The following FAT3 variants were observed in gnomAD, a reference collection of about 807,000 sequenced individuals.
FAT3 encodes the protein protocadherin Fat 3.
A neutral mutation model predicts 310.2 loss-of-function variants in FAT3; 95 were observed. That is an observed-to-expected ratio of 0.31 (90% CI 0.26 to 0.36). The LOEUF (loss-of-function observed/expected upper bound fraction) is 0.36, where lower values mean the gene tolerates loss of function less well. Ranked by LOEUF, FAT3 falls within the 10% of genes least tolerant of loss-of-function variation. The probability of loss-of-function intolerance (pLI) is 1.00; values close to 1 mark genes in which losing one functional copy is unlikely to be tolerated. For synonymous variants in FAT3, 2,314 were observed against 2,192.9 expected (o/e 1.06, Z -1.54); for missense variants, 5,408 against 5,715.6 (o/e 0.95, Z 1.74).
chr11:92,710,433 A>G (rs917488627), intron 4 of FAT3, among the ~76,000 whole-genome samples: 5 of 152,326 alleles, frequency 3.3e-5, no homozygotes, highest in Middle Eastern at 3.4e-3. Flanking sequence ...CCAAGGCCTA[A>G]GAACCTCTTC....
chr11:92,761,844 T>C lies in FAT3; in HGVS notation c.3670-12T>C, dbSNP rs1394605438. On this transcript the variant is annotated splice_polypyrimidine_tract_variant and intron_variant, in intron 4 of 27. Coordinates refer to ENST00000525166, the MANE Select transcript of FAT3 (RefSeq NM_001367949.2). ...TTTCTCCTTTCTGATCACATCATAC[T>C]CTCTTTTTCAGGTGACTGTGACAGA... The C allele has an allele frequency of 6.2e-7, 1 of 1,610,244 alleles. No homozygotes were observed. The highest frequency in any genetic ancestry group is 1.1e-5 in the South Asian group (1 of 90,798).
chr11:92,462,142 T>G (rs1232367289), intron 2 of FAT3, among the ~76,000 whole-genome samples: 1 of 152,212 alleles, frequency 6.6e-6, no homozygotes, highest in Non-Finnish European at 1.5e-5. Context: ...TTTTGCTTTT[T>G]GAGGTTGTTT....
At chr11:92,674,677 C>T (rs887177248) in intron 3 of FAT3, among the ~76,000 whole-genome samples, 2 of 152,026 alleles carry the variant, frequency 1.3e-5, no homozygotes, top group Non-Finnish European at 2.9e-5. Context: ...CATGCTCCAC[C>T]ATGCCCAGCT....
intron 7 of FAT3, among the ~76,000 whole-genome samples, 155 bp downstream of exon 7, chr11:92,774,335 G>C (rs994343074): frequency 6.6e-6 from 1 of 152,218 alleles, no homozygotes; most frequent in Non-Finnish European, 1.5e-5. Flanking sequence ...TGAGAAAAGG[G>C]ATTCTATAGA....
At position 92,627,301 on chromosome 11, in the gene FAT3, G is replaced by A. The variant is rs530165215; in HGVS notation, c.3608-70083G>A. On this transcript the variant is annotated intron_variant, in intron 3 of 27. Coordinates refer to ENST00000525166, the MANE Select transcript of FAT3 (RefSeq NM_001367949.2). ...AAGGTCAATAGCTTGATTCATAGGT[G>A]AAGGTTCTATCGCATCAGGGAAGAT... Among the ~76,000 whole-genome samples the A allele has an allele frequency of 4.8e-4, 73 of 152,294 alleles. No homozygotes were observed. The South Asian group carries it at 0.014, about 29-fold the overall frequency.
chr11:92,658,073 G>T (rs976092113), intron 3 of FAT3, among the ~76,000 whole-genome samples: 7 of 152,122 alleles, frequency 4.6e-5, no homozygotes, highest in Admixed American at 2.0e-4. Flanking sequence ...GATATTTAAT[G>T]AATATTAAGC....
chr11:92,374,398 A>G (rs1048082032), intron 2 of FAT3, among the ~76,000 whole-genome samples: 28 of 152,342 alleles, frequency 1.8e-4, no homozygotes, highest in African/African-American at 6.7e-4. Flanking sequence ...AATAAATTGT[A>G]CAGGTGGTGG....
chr11:92,511,753 T>C (rs149504586), intron 2 of FAT3, among the ~76,000 whole-genome samples: 1 of 152,266 alleles, frequency 6.6e-6, no homozygotes, highest in East Asian at 1.9e-4. Context: ...TGAGCAGATG[T>C]GCACAAAAGC....
rs566020894 is a variant in FAT3, at chr11:92,510,984, C to T, written c.3293-13650C>T. On this transcript the variant is annotated intron_variant, in intron 2 of 27. Coordinates refer to ENST00000525166, the MANE Select transcript of FAT3 (RefSeq NM_001367949.2). Reference sequence around the variant, plus strand: ...GGAGGCAAATCTGTGGATGAGAGCCCATCTAGAGCGCCTTGCTGGCGCTTT... The same window carrying T: ...GGAGGCAAATCTGTGGATGAGAGCCTATCTAGAGCGCCTTGCTGGCGCTTT... 2.0e-5 allele frequency among the ~76,000 whole-genome samples: 3 copies of T among 152,330 alleles called. No homozygotes were observed. The East Asian group carries it at 5.8e-4, about 29-fold the overall frequency.
rs570975158 is a variant in FAT3 at position 92,673,805 on chromosome 11, G to T, written c.3608-23579G>T. On this transcript the variant is annotated intron_variant, in intron 3 of 27. Transcript: ENST00000525166. ...GAGATGGTCCCAAATCTGAACATTG[G>T]TAGGAAACCAGGTGAGTGAGGAATC... Among the ~76,000 whole-genome samples the T allele has an allele frequency of 9.9e-5, 15 of 152,194 alleles. No homozygotes were observed. The East Asian group carries it at 2.5e-3, about 26-fold the overall frequency.
chr11:92,838,248 C>T (rs910534663), intron 17 of FAT3, among the ~76,000 whole-genome samples: 6 of 152,184 alleles, frequency 3.9e-5, no homozygotes, highest in African/African-American at 1.4e-4. Context: ...GCTATTCTGG[C>T]AGATGACAGA....
chr11:92,481,975 T>C (rs1201145066), intron 2 of FAT3, among the ~76,000 whole-genome samples: 1 of 152,192 alleles, frequency 6.6e-6, no homozygotes, highest in Non-Finnish European at 1.5e-5. Flanking sequence ...GAGATAATCA[T>C]TTTAATTACT....
chr11:92,431,692 G>A (rs2135028379), intron 2 of FAT3, among the ~76,000 whole-genome samples: 2 of 152,244 alleles, frequency 1.3e-5, no homozygotes, highest in East Asian at 3.9e-4. Context: ...TTTTGTATAA[G>A]GTATAAGGAA....
At chr11:92,385,540 A>G (rs1050320391) in intron 2 of FAT3, among the ~76,000 whole-genome samples, 1 of 151,744 alleles carries the variant, frequency 6.6e-6, no homozygotes, top group East Asian at 2.0e-4. Context: ...GCTAATTTTT[A>G]TATTTTCAGA....
rs145567830 is a variant in FAT3 at position 92,365,156 on chromosome 11, G to A, written c.3292+9752G>A. On this transcript the variant is annotated intron_variant, in intron 2 of 27. Coordinates refer to ENST00000525166, the MANE Select transcript of FAT3 (RefSeq NM_001367949.2). ...ATGGTGGCATGCACCTGTGGTCCCA[G>A]CTACATGGGAGGCTGAGGTGGGAGG... Among the ~76,000 whole-genome samples, 34 of 152,258 alleles carry A rather than the reference G, an allele frequency of 2.2e-4. No homozygotes were observed. In the East Asian group the frequency reaches 4.8e-3, roughly 22 times the overall value.
chr11:92,574,799 T>C (rs188356507), intron 3 of FAT3, among the ~76,000 whole-genome samples: 1 of 152,310 alleles, frequency 6.6e-6, no homozygotes, highest in East Asian at 1.9e-4. Context: ...CTGCAGGCAC[T>C]GTACCAAGTA....
intron 2 of FAT3, among the ~76,000 whole-genome samples, chr11:92,499,089 T>A (rs1952851123): frequency 6.6e-6 from 1 of 152,122 alleles, no homozygotes; most frequent in African/African-American, 2.4e-5. Context: ...AAGCATTTAT[T>A]GAAGACCTAC....
intron 3 of FAT3, among the ~76,000 whole-genome samples, chr11:92,596,525 A>C (rs1330199144): frequency 6.6e-6 from 1 of 152,160 alleles, no homozygotes; most frequent in South Asian, 2.1e-4. Flanking sequence ...AGAGAGAACT[A>C]TCTCTCTGTT....
intron 1 of FAT3, among the ~76,000 whole-genome samples, chr11:92,300,221 A>G (rs147619873): frequency 1.2e-3 from 190 of 152,264 alleles, no homozygotes; most frequent in Non-Finnish European, 2.2e-3. Context: ...TTGGCTCATT[A>G]TATTTCCTGT....
Sources: gnomAD v4.1 joint callset for allele counts (sites outside exome capture counted in the v4.1 genomes callset) on GRCh38, gnomAD v4.1.1 for gene constraint, MANE v1.5 for transcripts, NCBI Gene and HGNC (gene_info 2026-07-23, HGNC 2026-07-21) for gene names.